Variants in CAMK1D observed in about 807,000 individuals in gnomAD.
The protein encoded by CAMK1D is calcium/calmodulin dependent protein kinase ID, also known as calcium/calmodulin-dependent protein kinase type 1D.
In CAMK1D, 9 loss-of-function variants were observed where a neutral mutation model predicts 47.7. That is an observed-to-expected ratio of 0.19 (90% CI 0.11 to 0.33). CAMK1D has a LOEUF of 0.33. CAMK1D is among the 10% of genes least tolerant of loss of function. The probability of loss-of-function intolerance (pLI) is 1.00; values close to 1 mark genes in which losing one functional copy is unlikely to be tolerated. For missense variants in CAMK1D, 291 were observed against 488.7 expected (o/e 0.60, Z 3.81); for synonymous variants, 184 against 184.9 (o/e 0.99, Z 0.04).
At chr10:12,757,726 T>C (rs540009079) in intron 3 of CAMK1D, among the ~76,000 whole-genome samples, 2 of 152,296 alleles carry the variant, frequency 1.3e-5, no homozygotes, top group Admixed American at 6.5e-5. Flanking sequence ...TGTGGGAAGA[T>C]TATAGTGAGG....
chr10:12,367,412 A>G (rs2466728), intron 1 of CAMK1D, among the ~76,000 whole-genome samples: 118,160 of 151,854 alleles, frequency 0.78, 46,087 homozygotes, highest in Admixed American at 0.82. Flanking sequence ...GGATGGTTTC[A>G]GGATGATTCA....
At chr10:12,371,970 A>G (rs1443336030) in intron 1 of CAMK1D, among the ~76,000 whole-genome samples, 1 of 152,134 alleles carries the variant, frequency 6.6e-6, no homozygotes, top group Non-Finnish European at 1.5e-5. Context: ...CCCCGGCTTA[A>G]AAAATCTTTT....
chr10:12,524,119 C>T (rs1260478253), intron 1 of CAMK1D, among the ~76,000 whole-genome samples: 1 of 151,766 alleles, frequency 6.6e-6, no homozygotes, highest in African/African-American at 2.4e-5. Flanking sequence ...GTCTTGATCT[C>T]CTGACATCGT....
chr10:12,597,907 T>C (rs1425047974), intron 2 of CAMK1D, among the ~76,000 whole-genome samples: 1 of 152,218 alleles, frequency 6.6e-6, no homozygotes. Flanking sequence ...AGTGTTGGTG[T>C]TGGCATCGTT....
chr10:12,741,155 A>G (rs1835407764), intron 3 of CAMK1D, among the ~76,000 whole-genome samples: 1 of 152,340 alleles, frequency 6.6e-6, no homozygotes, highest in East Asian at 1.9e-4. Context: ...GTGCAAGTGT[A>G]TTAAATGAAG....
chr10:12,404,008 AAG>A (rs1839323324), intron 1 of CAMK1D, among the ~76,000 whole-genome samples: 1 of 151,046 alleles, frequency 6.6e-6, no homozygotes, highest in Non-Finnish European at 1.5e-5. Context: ...AAAAAGATAA[AAG>A]AGACAAAAAT....
At chr10:12,566,608 A>G (rs1837132196) in intron 2 of CAMK1D, among the ~76,000 whole-genome samples, 1 of 152,218 alleles carries the variant, frequency 6.6e-6, no homozygotes, top group Non-Finnish European at 1.5e-5. Context: ...GCAGAGAGGT[A>G]AAGTGATTGC....
chr10:12,694,088 ATATAT>A (rs1833077642), intron 3 of CAMK1D, among the ~76,000 whole-genome samples: 2 of 21,780 alleles, frequency 9.2e-5, no homozygotes, highest in African/African-American at 3.3e-4. Flanking sequence ...ATTATGTATA[ATATAT>A]ATTATATAAT....
At chr10:12,371,413 A>G (rs1838002591) in intron 1 of CAMK1D, among the ~76,000 whole-genome samples, 1 of 151,648 alleles carries the variant, frequency 6.6e-6, no homozygotes, top group African/African-American at 2.4e-5. Flanking sequence ...CGTCTCTACT[A>G]AAAATACAAA....
chr10:12,774,657 G>A (rs923634613), intron 5 of CAMK1D, among the ~76,000 whole-genome samples: 1 of 152,190 alleles, frequency 6.6e-6, no homozygotes, highest in Admixed American at 6.5e-5. Flanking sequence ...CTGATTCGGG[G>A]CCTGTTAGGA....
At chr10:12,539,890 G>C (rs1836108879) in intron 1 of CAMK1D, among the ~76,000 whole-genome samples, 1 of 152,170 alleles carries the variant, frequency 6.6e-6, no homozygotes, top group African/African-American at 2.4e-5. Context: ...CTGTAGCTAT[G>C]AGGAGATTTT....
chr10:12,818,570 C>T (rs1456514553), intron 8 of CAMK1D, among the ~76,000 whole-genome samples: 1 of 151,960 alleles, frequency 6.6e-6, no homozygotes, highest in Non-Finnish European at 1.5e-5. Context: ...ACTGGGGAGG[C>T]TGAGGCCTGG....
intron 2 of CAMK1D, among the ~76,000 whole-genome samples, chr10:12,614,802 T>G (rs6422407): frequency 6.6e-6 from 1 of 152,210 alleles, no homozygotes; most frequent in Non-Finnish European, 1.5e-5. Context: ...GTTGTTATAC[T>G]GGGAATCGGA....
In CAMK1D at chr10:12,351,881, GAGC is replaced by G. The variant is rs1238408697; in HGVS notation, c.92+1972_92+1974del. ...GCCTGGGATGGAATTCTTTGCAAAGGAGCTTCCCACTGTAGCACTGGCATTGGA... is the reference window on the plus strand; with the variant it reads ...GCCTGGGATGGAATTCTTTGCAAAGGTTCCCACTGTAGCACTGGCATTGGA... On this transcript the variant is annotated intron_variant, in intron 1 of 10. Coordinates refer to ENST00000619168, the MANE Select transcript of CAMK1D (RefSeq NM_153498.4). Among the ~76,000 whole-genome samples the G allele has an allele frequency of 1.3e-5, 2 of 152,310 alleles. 1 individual carries two copies. The highest frequency in any genetic ancestry group is 4.8e-5 in the African/African-American group (2 of 41,568).
chr10:12,681,327 C>T (rs1840986986), intron 3 of CAMK1D, among the ~76,000 whole-genome samples: 1 of 152,246 alleles, frequency 6.6e-6, no homozygotes, highest in African/African-American at 2.4e-5. Context: ...CAATCCTGGG[C>T]TTCCCTATCT....
intron 1 of CAMK1D, among the ~76,000 whole-genome samples, chr10:12,534,393 G>A (rs1835904347): frequency 6.6e-6 from 1 of 152,158 alleles, no homozygotes; most frequent in Non-Finnish European, 1.5e-5. Flanking sequence ...TTTAGACGGA[G>A]TCTTGCTCTG....
chr10:12,403,421 G>A (rs374872255), intron 1 of CAMK1D, among the ~76,000 whole-genome samples: 106 of 152,294 alleles, frequency 7.0e-4, no homozygotes, highest in Middle Eastern at 3.4e-3. Flanking sequence ...GGTGATAATC[G>A]ATCCCACTTT....
intron 1 of CAMK1D, among the ~76,000 whole-genome samples, chr10:12,380,552 A>G (rs1838308232): frequency 6.6e-6 from 1 of 152,126 alleles, no homozygotes; most frequent in Non-Finnish European, 1.5e-5. Flanking sequence ...CACCCAAGTC[A>G]ATATATGTTT....
intron 2 of CAMK1D, among the ~76,000 whole-genome samples, chr10:12,651,378 A>G (rs145155392): frequency 6.6e-6 from 1 of 152,178 alleles, no homozygotes; most frequent in East Asian, 1.9e-4. Flanking sequence ...TGATTTTAAC[A>G]CAACTTTTAA....
Sources: gnomAD v4.1 joint callset for allele counts (sites outside exome capture counted in the v4.1 genomes callset) on GRCh38, gnomAD v4.1.1 for gene constraint, MANE v1.5 for transcripts, NCBI Gene and HGNC (gene_info 2026-07-23, HGNC 2026-07-21) for gene names.